ADAMTSL1: variants seen among roughly 807,000 people sequenced by gnomAD.
ADAMTSL1 encodes the protein ADAMTS-like protein 1.
Under a neutral mutation model 201.8 loss-of-function variants are expected in ADAMTSL1, and 126 were observed. That is an observed-to-expected ratio of 0.62 (90% CI 0.54 to 0.72). The LOEUF is 0.72. Among genes scored for constraint, ADAMTSL1 ranks in the 30% least tolerant of loss-of-function variants. The pLI is 0.00. For missense variants in ADAMTSL1, 2,679 were observed against 2,277.8 expected (o/e 1.18, Z -3.59); for synonymous variants, 1,121 against 903.4 (o/e 1.24, Z -4.32).
intron 23 of ADAMTSL1, among the ~76,000 whole-genome samples, chr9:18,832,640 C>A (rs1825061708): frequency 6.6e-6 from 1 of 152,192 alleles, no homozygotes; most frequent in South Asian, 2.1e-4. Context: ...CCTCCCACAG[C>A]CAAGACATCC....
chr9:17,927,972 T>TTTTTA (rs1283163315), intron 1 of ADAMTSL1, among the ~76,000 whole-genome samples: 1 of 151,780 alleles, frequency 6.6e-6, no homozygotes, highest in Non-Finnish European at 1.5e-5. Flanking sequence ...TGTGTGGTTC[T>TTTTTA]TTTTCTTTTC....
chr9:18,228,834 G>GTTT (rs984230350), intron 2 of ADAMTSL1, among the ~76,000 whole-genome samples: 1 of 140,342 alleles, frequency 7.1e-6, no homozygotes, highest in African/African-American at 2.7e-5. Context: ...GTGATTCAGA[G>GTTT]TTTTTTTGTT....
chr9:18,571,127 G>A (rs1262610749), intron 3 of ADAMTSL1, among the ~76,000 whole-genome samples: 1 of 152,142 alleles, frequency 6.6e-6, no homozygotes, highest in East Asian at 1.9e-4. Context: ...TGAACAGAGG[G>A]GAATCATAGG....
chr9:18,640,572 A>G (rs1440818242), intron 7 of ADAMTSL1, among the ~76,000 whole-genome samples: 4 of 152,072 alleles, frequency 2.6e-5, no homozygotes, highest in Non-Finnish European at 5.9e-5. Flanking sequence ...CCTTCTGCAC[A>G]TCACTGCTTG....
At chr9:18,776,238 G>T (rs1365010958) in intron 18 of ADAMTSL1, among the ~76,000 whole-genome samples, 1 of 152,084 alleles carries the variant, frequency 6.6e-6, no homozygotes, top group Non-Finnish European at 1.5e-5. Flanking sequence ...AAACAGATTT[G>T]TTCTGTTTAA....
chr9:18,771,039 C>A (rs144641142), intron 17 of ADAMTSL1, among the ~76,000 whole-genome samples: 1 of 152,256 alleles, frequency 6.6e-6, no homozygotes, highest in Non-Finnish European at 1.5e-5. Context: ...AAAACCAGAC[C>A]TCATTGGTGC....
intron 2 of ADAMTSL1, among the ~76,000 whole-genome samples, chr9:18,388,734 G>A (rs1237583310): frequency 6.7e-6 from 1 of 150,096 alleles, no homozygotes; most frequent in Non-Finnish European, 1.5e-5. Context: ...TGTTGTTGTT[G>A]TTGTTGTTTA....
At chr9:18,144,336 G>T (rs891657520) in intron 1 of ADAMTSL1, among the ~76,000 whole-genome samples, 1 of 151,992 alleles carries the variant, frequency 6.6e-6, no homozygotes, top group African/African-American at 2.4e-5. Context: ...TTCCTGGGTA[G>T]CTGGGATTAC....
intron 15 of ADAMTSL1, among the ~76,000 whole-genome samples, chr9:18,739,899 CTGTGTGTGTG>C (rs5896804): frequency 3.4e-5 from 5 of 148,118 alleles, no homozygotes; most frequent in South Asian, 2.2e-4. Flanking sequence ...TGTCTACTAT[CTGTGTGTGTG>C]TGTGTGTGTG....
intron 20 of ADAMTSL1, among the ~76,000 whole-genome samples, chr9:18,803,755 C>A (rs1007002589): frequency 1.3e-5 from 2 of 152,050 alleles, no homozygotes; most frequent in Non-Finnish European, 1.5e-5. Flanking sequence ...CATGTCTGTG[C>A]TCTGAATATA....
chr9:18,077,172 A>G (rs1457243138), intron 1 of ADAMTSL1, among the ~76,000 whole-genome samples: 1 of 152,208 alleles, frequency 6.6e-6, no homozygotes, highest in Admixed American at 6.5e-5. Flanking sequence ...TAGGTATAAA[A>G]TTAGTGATAG....
At chr9:18,271,824 C>G (rs996668095) in intron 2 of ADAMTSL1, among the ~76,000 whole-genome samples, 3 of 152,150 alleles carry the variant, frequency 2.0e-5, no homozygotes, top group Non-Finnish European at 4.4e-5. Context: ...TCTCCACATC[C>G]TCTCCAGCAC....
chr9:18,058,644 T>G (rs768815228), intron 1 of ADAMTSL1, among the ~76,000 whole-genome samples: 15 of 152,100 alleles, frequency 9.9e-5, no homozygotes, highest in Non-Finnish European at 1.8e-4. Context: ...ATCCCATACT[T>G]TTGACCCATG....
In ADAMTSL1 at chr9:18,838,402, C is replaced by CACACACACACACACACAA. The variant is rs754001590; in HGVS notation, c.4249+8425_4249+8426insACACACACACACACACAA. On this transcript the variant is annotated intron_variant, in intron 23 of 28. Coordinates refer to ENST00000380548, the MANE Select transcript of ADAMTSL1 (RefSeq NM_001040272.6). The stretch of plus-strand genomic sequence containing the variant: ...ACACACACACACACACACACACACA[C>CACACACACACACACACAA]GCAAAAACCTAGAGGAGTAGAAATT... 5.1e-4 allele frequency among the ~76,000 whole-genome samples: 64 copies of CACACACACACACACACAA among 125,496 alleles called. 4 individuals are homozygous for CACACACACACACACACAA. In the East Asian group the frequency reaches 6.1e-3, roughly 12 times the overall value. The allele number at this position is 125,496 out of a possible 152,430, so 82.3% of individuals were successfully genotyped here.
rs192375042 is a variant in ADAMTSL1 at position 18,154,841 on chromosome 9, C to T, written c.88-9021C>T. On this transcript the variant is annotated intron_variant, in intron 1 of 29. Coordinates refer to the ADAMTSL1 transcript ENST00000680146. ...CTATGCATTAAGTAGAAACCTTCCCCTTTCTTAGGCATTTTCTTGAGATAC... is the reference window on the plus strand; with the variant it reads ...CTATGCATTAAGTAGAAACCTTCCCTTTTCTTAGGCATTTTCTTGAGATAC... 3.3e-4 allele frequency among the ~76,000 whole-genome samples: 50 copies of T among 152,138 alleles called. No homozygotes were observed. In the East Asian group the frequency reaches 8.4e-3, roughly 25 times the overall value.
chr9:18,679,757 T>C (rs1437016284), intron 10 of ADAMTSL1, among the ~76,000 whole-genome samples: 2 of 152,184 alleles, frequency 1.3e-5, no homozygotes, highest in East Asian at 3.8e-4. Flanking sequence ...TGAATCTAAG[T>C]AGTCCCAAAG....
At chr9:18,169,083 C>G (rs952857090) in intron 2 of ADAMTSL1, among the ~76,000 whole-genome samples, 15 of 128,352 alleles carry the variant, frequency 1.2e-4, no homozygotes, top group Admixed American at 3.4e-4. Context: ...GTTGCCTGTT[C>G]ACTCTGATGG....
intron 2 of ADAMTSL1, among the ~76,000 whole-genome samples, chr9:18,367,880 A>ATTTATT (rs1226410709): frequency 6.6e-6 from 1 of 151,462 alleles, no homozygotes; most frequent in African/African-American, 2.4e-5. Flanking sequence ...GGAGTCTTGT[A>ATTTATT]TTTATTTTTA....
intron 2 of ADAMTSL1, among the ~76,000 whole-genome samples, chr9:18,406,308 T>TCTTTTCTTTTCTTTTCTTTC: frequency 2.6e-5 from 3 of 116,686 alleles, no homozygotes; most frequent in Non-Finnish European, 4.2e-5. Flanking sequence ...TCTTTTCTTT[T>TCTTTTCTTTTCTTTTCTTTC]CTTTTCTTTT....
Sources: allele counts gnomAD v4.1 joint callset (sites outside exome capture counted in the v4.1 genomes callset), GRCh38; gene constraint gnomAD v4.1.1; transcripts MANE v1.5; gene names NCBI Gene and HGNC (gene_info 2026-07-23, HGNC 2026-07-21).